Variants in WDR37 observed in about 807,000 individuals in gnomAD.
WDR37 encodes the protein WD repeat domain 37.
In WDR37, 19 loss-of-function variants were observed where a neutral mutation model predicts 62.9. The observed-to-expected ratio is 0.30, with a 90% CI of 0.21 to 0.44. The LOEUF (loss-of-function observed/expected upper bound fraction) is 0.44. Ranked by LOEUF, WDR37 falls within the 20% of genes least tolerant of loss-of-function variation. WDR37 has a pLI of 1.00. For missense variants in WDR37, 474 were observed against 657.6 expected (o/e 0.72, Z 3.05); for synonymous variants, 250 against 260.9 (o/e 0.96, Z 0.40).
At chr10:1,057,313 G>GGGCCCTGGAGGGCCCGGGGC (rs1833217747) in intron 1 of WDR37, among the ~76,000 whole-genome samples, 1 of 146,512 alleles carries the variant, frequency 6.8e-6, no homozygotes, top group South Asian at 2.1e-4. Context: ...GGAAGAGTCG[G>GGGCCCTGGAGGGCCCGGGGC]GGCGCTGGAG....
intron 8 of WDR37, among the ~76,000 whole-genome samples, chr10:1,094,574 A>C (rs1018864058): frequency 6.6e-6 from 1 of 152,226 alleles, no homozygotes; most frequent in Non-Finnish European, 1.5e-5. Flanking sequence ...TAAAGCAGAC[A>C]AGGAGTTTAC....
chr10:1,084,345 G>C (rs887944351), intron 5 of WDR37, 58 bp from the exon 6 acceptor site: 4 of 1,586,952 alleles, frequency 2.5e-6, no homozygotes, highest in Non-Finnish European at 8.6e-7. Flanking sequence ...TCTCTTTCTT[G>C]ACTTAGAAAA....
chr10:1,062,016 T>TG, intron 1 of WDR37, among the ~76,000 whole-genome samples: 1 of 149,012 alleles, frequency 6.7e-6, no homozygotes, highest in African/African-American at 2.5e-5. Flanking sequence ...TTTTTTTTTT[T>TG]TGGGGGGGCC....
At chr10:1,106,536 A>G (rs1019125484) in intron 11 of WDR37, among the ~76,000 whole-genome samples, 3 of 152,216 alleles carry the variant, frequency 2.0e-5, no homozygotes, top group African/African-American at 7.2e-5. Context: ...GTTTGTTAAT[A>G]GACGGAGTCT....
intron 11 of WDR37, among the ~76,000 whole-genome samples, chr10:1,111,402 T>TC (rs1737085111): frequency 6.6e-6 from 1 of 152,224 alleles, no homozygotes; most frequent in Non-Finnish European, 1.5e-5. Flanking sequence ...TTCTTTTTTT[T>TC]CTTACTGTAA....
chr10:1,108,658 A>G (rs747208525), intron 11 of WDR37, among the ~76,000 whole-genome samples: 35 of 150,208 alleles, frequency 2.3e-4, no homozygotes, highest in Non-Finnish European at 4.0e-4. Context: ...TTTTTTGAGT[A>G]TTAGCGAGCA....
intron 1 of WDR37, among the ~76,000 whole-genome samples, chr10:1,066,355 ATCCG>A (rs1833547878): frequency 6.6e-6 from 1 of 152,190 alleles, no homozygotes; most frequent in African/African-American, 2.4e-5. Flanking sequence ...TGACCTTGTG[ATCCG>A]TCCACCTTGA....
rs954422665 is a variant in WDR37 at position 1,126,668 on chromosome 10, G to A, written c.1353+1644G>A. Reference sequence around the variant, plus strand: ...GACACCAGCTCATGGCTCGTGGGCCGCAGCTGCTCTGCACGGGGTGTGAGC... The same window carrying A: ...GACACCAGCTCATGGCTCGTGGGCCACAGCTGCTCTGCACGGGGTGTGAGC... On this transcript the variant is annotated intron_variant, in intron 13 of 13. Coordinates refer to ENST00000263150, the MANE Select transcript of WDR37 (RefSeq NM_014023.4). Among the ~76,000 whole-genome samples, 4 of 152,192 alleles carry A rather than the reference G, an allele frequency of 2.6e-5. No homozygotes were observed. In the East Asian group the frequency reaches 5.8e-4, roughly 22 times the overall value.
At chr10:1,108,738 T>TCCCCCCCCCCCCCC (rs1491455688) in intron 11 of WDR37, among the ~76,000 whole-genome samples, 4 of 59,786 alleles carry the variant, frequency 6.7e-5, no homozygotes, top group African/African-American at 1.6e-4. Flanking sequence ...GCTTCTGTGA[T>TCCCCCCCCCCCCCC]GCCCCCCCCC....
At chr10:1,087,924 T>C (rs1324734598) in intron 7 of WDR37, among the ~76,000 whole-genome samples, 1 of 152,244 alleles carries the variant, frequency 6.6e-6, no homozygotes, top group Non-Finnish European at 1.5e-5. Flanking sequence ...ACCTGTTGTT[T>C]AGAGTAACCA....
chr10:1,059,111 C>T (rs1186043932), intron 1 of WDR37, among the ~76,000 whole-genome samples: 2 of 152,164 alleles, frequency 1.3e-5, no homozygotes, highest in Non-Finnish European at 2.9e-5. Flanking sequence ...CGTGGTGGCT[C>T]ATGCCTGTAA....
intron 7 of WDR37, among the ~76,000 whole-genome samples, chr10:1,088,944 A>G (rs1475936882): frequency 6.6e-6 from 1 of 152,150 alleles, no homozygotes; most frequent in Non-Finnish European, 1.5e-5. Context: ...TGTTCTCTAG[A>G]GGGGATTTAA....
chr10:1,109,464 C>T (rs1446884300), intron 11 of WDR37, among the ~76,000 whole-genome samples: 2 of 152,202 alleles, frequency 1.3e-5, no homozygotes, highest in Admixed American at 6.5e-5. Flanking sequence ...CGGTGGCTCA[C>T]GCCTGTAATC....
In WDR37 at chr10:1,103,770, G is replaced by A; in HGVS notation, c.895G>A (p.Ala299Thr). Reference sequence around the variant, plus strand: ...GGTTGGGGGGAAGCAGGCTGTGACTGCCTCCTGGGACCGGACGGCAAACCT... The same window carrying A: ...GGTTGGGGGGAAGCAGGCTGTGACTACCTCCTGGGACCGGACGGCAAACCT... ...WLVGGKQAVT[A>T]SWDRTANLYD... The change falls in exon 10 of 14, where the codon GCC (alanine) becomes ACC (threonine). Residue 299 changes from alanine to threonine, a missense_variant. Physicochemically the swap from Ala to Thr is moderately conservative, Grantham distance 58. Coordinates refer to ENST00000263150, the MANE Select transcript of WDR37 (RefSeq NM_014023.4). The surrounding 1 kb of genome is among the most constrained non-coding windows in gnomAD (Gnocchi z 6.3). The A allele has an allele frequency of 6.2e-7, 1 of 1,614,248 alleles. No individual in the cohort carries two copies. Among genetic ancestry groups the A allele is most frequent in the East Asian group, 2.2e-5 (1 of 44,882 alleles).
Position 1,072,128 on chromosome 10 carries a change from G to GT in WDR37, c.-27dup, listed in dbSNP as rs1257462277. The GT allele has an allele frequency of 6.2e-7, 1 of 1,611,628 alleles. No individual in the cohort carries two copies. The highest frequency in any genetic ancestry group is 1.7e-5 in the Admixed American group (1 of 59,496). ...TTGCTGTTTTTAGCTTATTGCAGGA[G>GT]TGACCAGGACACTACCTCCTAGAAG... On this transcript the variant is annotated 5_prime_UTR_variant, in exon 2 of 14. Transcript: ENST00000263150.
chr10:1,062,810 G>A (rs912869574), intron 1 of WDR37, among the ~76,000 whole-genome samples: 1 of 152,126 alleles, frequency 6.6e-6, no homozygotes, highest in East Asian at 1.9e-4. Context: ...AGAGTGGGCC[G>A]GGTGCAGTGG....
intron 1 of WDR37, among the ~76,000 whole-genome samples, chr10:1,069,035 G>C (rs1157739158): frequency 6.6e-6 from 1 of 152,104 alleles, no homozygotes; most frequent in Non-Finnish European, 1.5e-5. Context: ...CCTAGGGCTA[G>C]CTGGGAAGTG....
chr10:1,071,042 C>T (rs1361066448), intron 1 of WDR37, among the ~76,000 whole-genome samples: 1 of 152,206 alleles, frequency 6.6e-6, no homozygotes, highest in Non-Finnish European at 1.5e-5. Context: ...GCGTAAGTCA[C>T]CATTGTAACT....
chr10:1,098,515 A>G (rs1589105730), intron 9 of WDR37, among the ~76,000 whole-genome samples: 1 of 152,146 alleles, frequency 6.6e-6, no homozygotes, highest in African/African-American at 2.4e-5. Context: ...TTTAGTAGAG[A>G]TGGGGTTTCA....
Sources: gnomAD v4.1 joint callset for allele counts (sites outside exome capture counted in the v4.1 genomes callset) on GRCh38, gnomAD v4.1.1 for gene constraint, Gnocchi (gnomAD v3.1) non-coding constraint, MANE v1.5 for transcripts, NCBI Gene and HGNC (gene_info 2026-07-23, HGNC 2026-07-21) for gene names.